Variants in GLIS3 observed in about 807,000 individuals in gnomAD.
GLIS3 encodes the protein GLIS family zinc finger 3.
In GLIS3, 53 loss-of-function variants were observed where a neutral mutation model predicts 78.6. The observed-to-expected ratio is 0.67, with a 90% CI of 0.54 to 0.85. The LOEUF (loss-of-function observed/expected upper bound fraction) is 0.85. Ranked by LOEUF, GLIS3 falls within the 40% of genes least tolerant of loss-of-function variation. The pLI is 0.00. For synonymous variants in GLIS3, 684 were observed against 509.9 expected (o/e 1.34, Z -4.60); for missense variants, 1,703 against 1,231.1 (o/e 1.38, Z -5.74).
intron 2 of GLIS3, among the ~76,000 whole-genome samples, chr9:4,201,031 A>G (rs1049828020): frequency 6.6e-6 from 1 of 152,204 alleles, no homozygotes; most frequent in African/African-American, 2.4e-5. Flanking sequence ...TTGGTTCATC[A>G]TATGCAAATC....
the GLIS3 span, among the ~76,000 whole-genome samples, chr9:4,359,618 C>T: frequency 1.3e-5 from 2 of 152,142 alleles, no homozygotes; most frequent in East Asian, 3.8e-4. Flanking sequence ...TGGGAGTATA[C>T]AGTACCCGTG....
At chr9:4,208,617 G>A (rs1586982103) in intron 2 of GLIS3, among the ~76,000 whole-genome samples, 1 of 152,226 alleles carries the variant, frequency 6.6e-6, no homozygotes, top group East Asian at 1.9e-4. Flanking sequence ...TGTGCTCTCT[G>A]TAAAGTGTGA....
At chr9:4,413,160 A>T in the GLIS3 span, among the ~76,000 whole-genome samples, 1 of 152,208 alleles carries the variant, frequency 6.6e-6, no homozygotes, top group African/African-American at 2.4e-5. Context: ...AGAGTAAGAC[A>T]TGGTCTTGAG....
At chr9:4,117,698 G>C in intron 4 of GLIS3, 70 bp downstream of exon 4, 1 of 1,589,132 alleles carries the variant, frequency 6.3e-7, no homozygotes, top group Non-Finnish European at 8.6e-7. Flanking sequence ...GCCGAGTTAG[G>C]AAAAAACACA....
At chr9:4,063,430 A>C (rs1471237449) in intron 4 of GLIS3, among the ~76,000 whole-genome samples, 1 of 152,274 alleles carries the variant, frequency 6.6e-6, no homozygotes, top group East Asian at 1.9e-4. Flanking sequence ...CCTAGGAATG[A>C]ATGATTATTA....
chr9:4,067,732 CAGATT>C (rs1159763580), intron 4 of GLIS3, among the ~76,000 whole-genome samples: 3 of 151,332 alleles, frequency 2.0e-5, no homozygotes, highest in Admixed American at 1.3e-4. Flanking sequence ...ACATGAATTG[CAGATT>C]AGATTATAGG....
chr9:4,383,990 C>G, the GLIS3 span, among the ~76,000 whole-genome samples: 1 of 152,196 alleles, frequency 6.6e-6, no homozygotes, highest in African/African-American at 2.4e-5. Flanking sequence ...ATGGAACTAC[C>G]CCCACTTCTC....
intron 2 of GLIS3, among the ~76,000 whole-genome samples, chr9:4,225,484 C>A (rs140076547): frequency 9.2e-5 from 14 of 152,270 alleles, no homozygotes; most frequent in Non-Finnish European, 1.5e-4. Flanking sequence ...CTCATTCCTG[C>A]AACCTAACGA....
At chr9:3,885,326 AG>A (rs1822000243) in intron 7 of GLIS3, among the ~76,000 whole-genome samples, 1 of 152,202 alleles carries the variant, frequency 6.6e-6, no homozygotes, top group Non-Finnish European at 1.5e-5. Context: ...TAATGCACCA[AG>A]GGGAGGTTTA....
intron 4 of GLIS3, among the ~76,000 whole-genome samples, chr9:4,051,213 G>T (rs1825724986): frequency 6.6e-6 from 1 of 152,184 alleles, no homozygotes; most frequent in Non-Finnish European, 1.5e-5. Context: ...TGTTTATGAG[G>T]AAATTCAAAC....
At position 4,288,633 on chromosome 9, in the gene GLIS3, T is replaced by A. The variant is rs528153168; in HGVS notation, c.-98-2110A>T. On this transcript the variant is annotated intron_variant, in intron 1 of 10. Coordinates refer to ENST00000381971, the MANE Select transcript of GLIS3 (RefSeq NM_001042413.2). ...AAAAATAATTAGAGCACTGACAACTTAATTAAGTATCAGGCATTCACATCT... is the reference window on the plus strand; with the variant it reads ...AAAAATAATTAGAGCACTGACAACTAAATTAAGTATCAGGCATTCACATCT... Among the ~76,000 whole-genome samples, 133 of 152,310 alleles carry A rather than the reference T, an allele frequency of 8.7e-4. 1 individual carries two copies. Among genetic ancestry groups the A allele is most frequent in the Non-Finnish European group, 1.6e-3 (110 of 68,022 alleles).
intron 8 of GLIS3, among the ~76,000 whole-genome samples, chr9:3,877,628 T>G (rs1821404604): frequency 6.6e-6 from 1 of 152,230 alleles, no homozygotes; most frequent in African/African-American, 2.4e-5. Context: ...GACACAATCT[T>G]GGTATCTAGG....
intron 2 of GLIS3, among the ~76,000 whole-genome samples, chr9:4,329,513 C>G (rs1223375678): frequency 6.6e-6 from 1 of 152,098 alleles, no homozygotes; most frequent in African/African-American, 2.4e-5. Flanking sequence ...CACCATAACC[C>G]CACCTACCTC....
chr9:4,081,471 G>A (rs1828548720), intron 4 of GLIS3: 1 of 152,228 alleles, frequency 6.6e-6, no homozygotes, highest in African/African-American at 2.4e-5. Flanking sequence ...GTCCTCTCAT[G>A]AGGAATCCTC....
intron 4 of GLIS3, among the ~76,000 whole-genome samples, chr9:4,080,965 G>A (rs967707442): frequency 1.3e-5 from 2 of 152,180 alleles, no homozygotes; most frequent in African/African-American, 4.8e-5. Flanking sequence ...TCAACTTGCA[G>A]CAACACAGGG....
intron 3 of GLIS3, among the ~76,000 whole-genome samples, chr9:4,124,604 G>C (rs1832430535): frequency 1.3e-5 from 2 of 152,094 alleles, no homozygotes; most frequent in South Asian, 4.1e-4. Flanking sequence ...AAAAGTCTCA[G>C]GTGAAAAACA....
intron 1 of GLIS3, among the ~76,000 whole-genome samples, chr9:4,294,718 C>T (rs1816330935): frequency 6.6e-6 from 1 of 152,118 alleles, no homozygotes; most frequent in Admixed American, 6.5e-5. Context: ...GGGGTCATAG[C>T]TAATTTATCT....
chr9:4,308,219 G>A (rs1262353044), intron 4 of GLIS3, among the ~76,000 whole-genome samples: 1 of 152,100 alleles, frequency 6.6e-6, no homozygotes, highest in Non-Finnish European at 1.5e-5. Flanking sequence ...GACAGGCACT[G>A]TGAAGTGAAA....
intron 1 of GLIS3, among the ~76,000 whole-genome samples, chr9:4,288,143 C>G (rs1305699945): frequency 2.6e-5 from 4 of 152,168 alleles, no homozygotes; most frequent in Non-Finnish European, 5.9e-5. Context: ...TGTAGGAGAA[C>G]TCCTGTGTGT....
Sources: allele counts gnomAD v4.1 joint callset (sites outside exome capture counted in the v4.1 genomes callset), GRCh38; gene constraint gnomAD v4.1.1; transcripts MANE v1.5; gene names NCBI Gene and HGNC (gene_info 2026-07-23, HGNC 2026-07-21).